The following SYT1 variants were observed in gnomAD, a reference collection of about 807,000 sequenced individuals.
The protein encoded by SYT1 is synaptotagmin-1.
SYT1 carries 8 observed loss-of-function variants against 44.8 expected under a neutral mutation model. The observed-to-expected ratio is 0.18, with a 90% CI of 0.10 to 0.32. The LOEUF is 0.32. Ranked by LOEUF, SYT1 falls within the 10% of genes least tolerant of loss-of-function variation. The pLI is 1.00. For synonymous variants in SYT1, 154 were observed against 188.8 expected (o/e 0.82, Z 1.51); for missense variants, 286 against 509.3 (o/e 0.56, Z 4.22).
At chr12:78,927,152 G>A (rs1006747401) in intron 1 of SYT1, among the ~76,000 whole-genome samples, 1 of 152,018 alleles carries the variant, frequency 6.6e-6, no homozygotes, top group African/African-American at 2.4e-5. Context: ...GCTGTGGCTA[G>A]GGCTTCCAAA....
At chr12:78,963,119 C>G (rs1013167419) in intron 1 of SYT1, among the ~76,000 whole-genome samples, 1 of 151,906 alleles carries the variant, frequency 6.6e-6, no homozygotes, top group Non-Finnish European at 1.5e-5. Context: ...TCATTCATGT[C>G]GCTGTATATT....
At chr12:78,909,097 T>C (rs533118642) in intron 1 of SYT1, among the ~76,000 whole-genome samples, 1 of 151,914 alleles carries the variant, frequency 6.6e-6, no homozygotes, top group East Asian at 1.9e-4. Flanking sequence ...TAATTGGCAT[T>C]GCACTGAGTA....
chr12:79,035,049 C>A (rs538946227), intron 2 of SYT1, among the ~76,000 whole-genome samples: 9 of 151,710 alleles, frequency 5.9e-5, no homozygotes, highest in Non-Finnish European at 1.2e-4. Flanking sequence ...CAGCTTGGCA[C>A]CTTCCCACCA....
At chr12:79,400,878 C>T (rs10861976) in intron 9 of SYT1, among the ~76,000 whole-genome samples, 76,199 of 152,092 alleles carry the variant, frequency 0.5, 23,648 homozygotes, top group Non-Finnish European at 0.69. Context: ...AAGCAGAATA[C>T]AGATCTCTTG....
At chr12:79,165,003 G>A (rs1169355139) in intron 3 of SYT1, among the ~76,000 whole-genome samples, 3 of 151,956 alleles carry the variant, frequency 2.0e-5, no homozygotes, top group African/African-American at 4.8e-5. Flanking sequence ...CGTAGAAAGA[G>A]AGGAATCTTA....
intron 8 of SYT1, among the ~76,000 whole-genome samples, chr12:79,316,705 C>A (rs1455723830): frequency 6.6e-6 from 1 of 152,186 alleles, no homozygotes; most frequent in African/African-American, 2.4e-5. Flanking sequence ...GTACAACTGG[C>A]ACCTCATAAC....
At chr12:79,391,783 G>T (rs1370910488) in intron 9 of SYT1, among the ~76,000 whole-genome samples, 1 of 152,150 alleles carries the variant, frequency 6.6e-6, no homozygotes, top group African/African-American at 2.4e-5. Flanking sequence ...TTTTTGTTCA[G>T]AATGACTGAT....
At chr12:78,890,087 G>A (rs1394874106) in intron 1 of SYT1, among the ~76,000 whole-genome samples, 2 of 151,894 alleles carry the variant, frequency 1.3e-5, no homozygotes, top group Non-Finnish European at 2.9e-5. Context: ...ATATCCATTT[G>A]AATATTCCAC....
At chr12:78,867,807 A>G (rs777929383) in intron 1 of SYT1, among the ~76,000 whole-genome samples, 33 of 152,050 alleles carry the variant, frequency 2.2e-4, no homozygotes, top group Non-Finnish European at 3.7e-4. Context: ...AAAATGAATA[A>G]CATTGTATTT....
intron 8 of SYT1, among the ~76,000 whole-genome samples, chr12:79,316,719 C>T (rs757153157): frequency 3.3e-5 from 5 of 152,154 alleles, no homozygotes; most frequent in African/African-American, 7.2e-5. Flanking sequence ...TCATAACACA[C>T]GTTTATTCTC....
intron 3 of SYT1, among the ~76,000 whole-genome samples, chr12:79,126,625 A>G (rs1172581267): frequency 6.6e-6 from 1 of 152,156 alleles, no homozygotes; most frequent in Non-Finnish European, 1.5e-5. Context: ...ACTTTGGAGG[A>G]TTTATATATG....
chr12:79,334,549 A>G (rs1025747954), intron 8 of SYT1, among the ~76,000 whole-genome samples: 3 of 152,178 alleles, frequency 2.0e-5, no homozygotes, highest in African/African-American at 7.2e-5. Context: ...TGTACCAGGC[A>G]GATGAAGCAG....
intron 1 of SYT1, among the ~76,000 whole-genome samples, chr12:78,928,807 T>A (rs1877450114): frequency 6.6e-6 from 1 of 152,172 alleles, no homozygotes; most frequent in Non-Finnish European, 1.5e-5. Context: ...TTATGAGCTG[T>A]TTATTTCCAA....
Position 79,273,278 on chromosome 12 carries a change from A to AT in SYT1, c.167-12500dup, listed in dbSNP as rs747782102. 2.8e-3 allele frequency among the ~76,000 whole-genome samples: 423 copies of AT among 150,798 alleles called. 2 individuals are homozygous for AT. Among genetic ancestry groups the AT allele is most frequent in the African/African-American group, 9.3e-3 (382 of 41,070 alleles). ...CCACAGGTATGCACAACATCCAGCT[A>AT]TTTTTTTTTATTATTTTTTGTAGAG... is the stretch of plus-strand genomic sequence containing the variant. On this transcript the variant is annotated intron_variant, in intron 4 of 10. Coordinates refer to ENST00000261205, the MANE Select transcript of SYT1 (RefSeq NM_005639.3).
chr12:79,262,084 T>G (rs1016636380), intron 4 of SYT1, among the ~76,000 whole-genome samples: 2 of 152,206 alleles, frequency 1.3e-5, no homozygotes. Flanking sequence ...TGTGCATTGC[T>G]TTGTAATAGT....
At chr12:79,101,351 T>C (rs1402596735) in intron 3 of SYT1, among the ~76,000 whole-genome samples, 1 of 152,254 alleles carries the variant, frequency 6.6e-6, no homozygotes, top group Non-Finnish European at 1.5e-5. Flanking sequence ...GGAGACATTA[T>C]GCTAAGTGAA....
intron 8 of SYT1, 47 bp downstream of exon 8, chr12:79,299,598 G>A: frequency 1.3e-6 from 2 of 1,590,016 alleles, no homozygotes; most frequent in South Asian, 1.1e-5. Context: ...GTACTCGCCA[G>A]TTGCTGCTCA....
At chr12:78,997,677 C>CT (rs1230054693) in intron 2 of SYT1, among the ~76,000 whole-genome samples, 9 of 125,664 alleles carry the variant, frequency 7.2e-5, no homozygotes, top group Non-Finnish European at 1.2e-4. Context: ...TTTTTTTTTT[C>CT]TTTTTTTGAG....
At chr12:79,259,639 C>A (rs868507022) in intron 4 of SYT1, among the ~76,000 whole-genome samples, 4 of 152,242 alleles carry the variant, frequency 2.6e-5, no homozygotes, top group South Asian at 4.1e-4. Flanking sequence ...GAGGCTGAGG[C>A]AGGAGGATCT....
Sources: allele counts gnomAD v4.1 joint callset (sites outside exome capture counted in the v4.1 genomes callset), GRCh38; gene constraint gnomAD v4.1.1; transcripts MANE v1.5; gene names NCBI Gene and HGNC (gene_info 2026-07-23, HGNC 2026-07-21).